FHIT: variants seen among roughly 807,000 people sequenced by gnomAD.
FHIT encodes the protein bis(5'-adenosyl)-triphosphatase.
FHIT carries 19 observed loss-of-function variants against 17.9 expected under a neutral mutation model. That is an observed-to-expected ratio of 1.06 (90% confidence interval 0.74 to 1.56). The LOEUF is 1.56. Ranked by LOEUF, FHIT falls within the 40% of genes most tolerant of loss-of-function variation. FHIT has a pLI of 0.00. For missense variants in FHIT, 248 were observed against 189.2 expected (o/e 1.31, Z -1.82); for synonymous variants, 81 against 69.7 (o/e 1.16, Z -0.81).
intron 7 of FHIT, among the ~76,000 whole-genome samples, chr3:59,966,634 CTAAA>C (rs2107365799): frequency 6.6e-6 from 1 of 152,168 alleles, no homozygotes; most frequent in South Asian, 2.1e-4. Flanking sequence ...ATTCATGTAT[CTAAA>C]TAAATATAGA....
chr3:59,756,250 A>C (rs1225502037), intron 8 of FHIT, among the ~76,000 whole-genome samples: 1 of 152,210 alleles, frequency 6.6e-6, no homozygotes, highest in Non-Finnish European at 1.5e-5. Context: ...AGTTATGATC[A>C]GAATTCAGAT....
chr3:60,690,858 G>A (rs2040970995), intron 4 of FHIT: 2 of 285,626 alleles, frequency 7.0e-6, no homozygotes, highest in African/African-American at 2.2e-5. Context: ...TAGAGAGACT[G>A]TTAATGCACA....
intron 8 of FHIT, among the ~76,000 whole-genome samples, chr3:59,805,674 T>C (rs1000566158): frequency 6.6e-6 from 1 of 152,200 alleles, no homozygotes; most frequent in African/African-American, 2.4e-5. Flanking sequence ...GGAAAGACTG[T>C]AAACTTGGAG....
chr3:61,111,127 T>G (rs1159575265), intron 2 of FHIT, among the ~76,000 whole-genome samples: 1 of 152,204 alleles, frequency 6.6e-6, no homozygotes, highest in Non-Finnish European at 1.5e-5. Context: ...AAAGGTTTCC[T>G]CATTGGAACT....
intron 3 of FHIT, among the ~76,000 whole-genome samples, chr3:60,961,470 T>C (rs1423677707): frequency 6.6e-6 from 1 of 152,226 alleles, no homozygotes; most frequent in Non-Finnish European, 1.5e-5. Context: ...TTTGTTGCCA[T>C]TGCTTTTGGT....
In FHIT at chr3:61,211,292, C is replaced by T. The variant is rs562652754; in HGVS notation, c.-212-10627G>A. ...AGACGGCACCTGGAAAATAGGGTCA[C>T]TCCCACCCTAATACTGCACTTTTCC... is the stretch of plus-strand genomic sequence containing the variant. On this transcript the variant is annotated intron_variant, in intron 1 of 9. Coordinates refer to ENST00000492590, the MANE Select transcript of FHIT (RefSeq NM_002012.4). Among the ~76,000 whole-genome samples, 5 of 139,906 alleles carry T rather than the reference C, an allele frequency of 3.6e-5. 1 individual carries two copies. In the South Asian group the frequency reaches 1.3e-3, roughly 35 times the overall value. 91.8% of individuals were successfully genotyped at this position (139,906 alleles called of 152,430 possible). A position where few individuals can be genotyped will look rare whatever the true frequency, so the allele number is the denominator to read the frequency against.
intron 4 of FHIT, among the ~76,000 whole-genome samples, chr3:60,716,894 T>C (rs2041696888): frequency 6.6e-6 from 1 of 152,178 alleles, no homozygotes; most frequent in Non-Finnish European, 1.5e-5. Context: ...CCCTCATATC[T>C]GCAGTCTGTC....
At chr3:60,381,377 C>A (rs1289812631) in intron 5 of FHIT, among the ~76,000 whole-genome samples, 3 of 151,642 alleles carry the variant, frequency 2.0e-5, no homozygotes, top group African/African-American at 7.3e-5. Context: ...ACATGGGGGG[C>A]TAAGGCAGGA....
intron 8 of FHIT, among the ~76,000 whole-genome samples, chr3:59,904,594 T>C (rs1203185372): frequency 6.6e-6 from 1 of 152,214 alleles, no homozygotes; most frequent in African/African-American, 2.4e-5. Flanking sequence ...GTACCAGGCC[T>C]TGCTTGGCCA....
At chr3:60,368,654 T>C (rs1700204441) in intron 5 of FHIT, among the ~76,000 whole-genome samples, 1 of 152,096 alleles carries the variant, frequency 6.6e-6, no homozygotes, top group Non-Finnish European at 1.5e-5. Context: ...CTTTTGATAA[T>C]CAGAAGGTTT....
At chr3:60,454,384 C>A (rs2031948998) in intron 5 of FHIT, among the ~76,000 whole-genome samples, 2 of 144,152 alleles carry the variant, frequency 1.4e-5, no homozygotes, top group African/African-American at 5.1e-5. Context: ...TTTAACCAAA[C>A]TTTTTTTTTT....
At chr3:60,103,159 C>T (rs1249817961) in intron 5 of FHIT, among the ~76,000 whole-genome samples, 1 of 152,128 alleles carries the variant, frequency 6.6e-6, no homozygotes, top group Non-Finnish European at 1.5e-5. Context: ...AGTTTTACCC[C>T]CTACCACAGG....
chr3:60,646,684 A>G (rs949986760), intron 4 of FHIT, among the ~76,000 whole-genome samples: 4 of 152,144 alleles, frequency 2.6e-5, no homozygotes, highest in Admixed American at 1.3e-4. Context: ...AAATTTTTTG[A>G]AAGAAAAAGA....
chr3:61,189,983 A>G (rs1481033323), intron 2 of FHIT, among the ~76,000 whole-genome samples: 1 of 151,614 alleles, frequency 6.6e-6, no homozygotes, highest in Admixed American at 6.6e-5. Flanking sequence ...TAAAAACCCT[A>G]GAAGAAAACC....
chr3:60,219,665 T>C (rs1703868325), intron 5 of FHIT, among the ~76,000 whole-genome samples: 1 of 152,114 alleles, frequency 6.6e-6, no homozygotes, highest in South Asian at 2.1e-4. Flanking sequence ...TACTTCCCTG[T>C]CCCCCTTCAT....
At chr3:59,968,574 A>C (rs2107373809) in intron 7 of FHIT, among the ~76,000 whole-genome samples, 1 of 152,266 alleles carries the variant, frequency 6.6e-6, no homozygotes, top group East Asian at 1.9e-4. Context: ...AGCAGTTCTC[A>C]CAATGCCTCT....
At chr3:60,053,610 A>T (rs1166013459) in intron 5 of FHIT, among the ~76,000 whole-genome samples, 1 of 151,956 alleles carries the variant, frequency 6.6e-6, no homozygotes, top group Non-Finnish European at 1.5e-5. Context: ...AATGCCTTAT[A>T]AAAAAATCTC....
chr3:61,004,795 G>T (rs2031331810), intron 3 of FHIT, among the ~76,000 whole-genome samples: 1 of 152,140 alleles, frequency 6.6e-6, no homozygotes, highest in East Asian at 1.9e-4. Context: ...CTGATTCCTG[G>T]TATTAAGAAA....
intron 5 of FHIT, among the ~76,000 whole-genome samples, chr3:60,497,491 T>G (rs1225972269): frequency 6.6e-6 from 1 of 152,226 alleles, no homozygotes; most frequent in Non-Finnish European, 1.5e-5. Flanking sequence ...AATTACATAA[T>G]TCTTTTATTA....
Sources: allele counts gnomAD v4.1 joint callset (sites outside exome capture counted in the v4.1 genomes callset), GRCh38; gene constraint gnomAD v4.1.1; transcripts MANE v1.5; gene names NCBI Gene and HGNC (gene_info 2026-07-23, HGNC 2026-07-21).